The following CSMD1 variants were observed in gnomAD, a reference collection of about 807,000 sequenced individuals.
CSMD1 encodes the protein CUB and sushi domain-containing protein 1.
CSMD1 carries 213 observed loss-of-function variants against 417.5 expected under a neutral mutation model. That is an observed-to-expected ratio of 0.51 (90% CI 0.46 to 0.57). The LOEUF (loss-of-function observed/expected upper bound fraction) is 0.57, where lower values mean the gene tolerates loss of function less well. CSMD1 is among the 20% of genes least tolerant of loss of function. The pLI, the probability that CSMD1 is intolerant of heterozygous loss-of-function variation, is 0.00. For missense variants in CSMD1, 6,923 were observed against 4,529.7 expected (o/e 1.53, Z -15.17); for synonymous variants, 2,862 against 1,736.8 (o/e 1.65, Z -16.11).
Position 4,060,978 on chromosome 8 carries a change from G to A in CSMD1, c.416-28879C>T, listed in dbSNP as rs573460338. ...AGTGTGGAGGAAAGAGATAAGACAA[G>A]CTGCTTGTGAGCAAGCAAAGCAAAA... On this transcript the variant is annotated intron_variant, in intron 3 of 69. Coordinates refer to ENST00000635120, the MANE Select transcript of CSMD1 (RefSeq NM_033225.6). 3.1e-3 allele frequency among the ~76,000 whole-genome samples: 474 copies of A among 152,272 alleles called. 3 individuals carry two copies. Among genetic ancestry groups the A allele is most frequent in the African/African-American group, 0.011 (439 of 41,566 alleles).
chr8:3,082,404 T>G (rs757150018), intron 49 of CSMD1, among the ~76,000 whole-genome samples: 9 of 152,096 alleles, frequency 5.9e-5, no homozygotes, highest in Non-Finnish European at 1.0e-4. Flanking sequence ...CTCCACCATG[T>G]CCCCTTCACA....
At chr8:4,013,216 C>T (rs530804632) in intron 4 of CSMD1, among the ~76,000 whole-genome samples, 23 of 152,182 alleles carry the variant, frequency 1.5e-4, no homozygotes, top group Admixed American at 4.6e-4. Context: ...TGGGATCCTC[C>T]GGGACCTTTC....
intron 5 of CSMD1, among the ~76,000 whole-genome samples, chr8:3,886,249 A>G (rs1350516792): frequency 6.6e-6 from 1 of 152,178 alleles, no homozygotes; most frequent in African/African-American, 2.4e-5. Flanking sequence ...GGGTTTCACC[A>G]TGTTGGCCTG....
intron 1 of CSMD1, among the ~76,000 whole-genome samples, chr8:4,742,328 C>A (rs1443496109): frequency 6.6e-6 from 1 of 151,860 alleles, no homozygotes; most frequent in African/African-American, 2.4e-5. Flanking sequence ...CTGCACCTGA[C>A]CAAGGCTGAA....
chr8:3,760,308 C>T (rs539868929), intron 5 of CSMD1, among the ~76,000 whole-genome samples: 1 of 152,140 alleles, frequency 6.6e-6, no homozygotes, highest in Non-Finnish European at 1.5e-5. Flanking sequence ...CAATTTAAAG[C>T]AATGCCAAAT....
At chr8:3,859,975 C>T (rs139765522) in intron 5 of CSMD1, among the ~76,000 whole-genome samples, 21 of 152,180 alleles carry the variant, frequency 1.4e-4, no homozygotes, top group African/African-American at 5.1e-4. Flanking sequence ...ATTTTCAAGC[C>T]TGAGGGTGGT....
rs147357782 is a variant in CSMD1, at chr8:4,129,530, C to T, written c.416-97431G>A. On this transcript the variant is annotated intron_variant, in intron 3 of 69. Transcript: ENST00000635120. ...GACATTTTGCCAGGGCATAGGAATC[C>T]GATTTTGAGATTGGATTCCATCAGA... Among the ~76,000 whole-genome samples the T allele has an allele frequency of 5.1e-3, 773 of 152,110 alleles. 9 individuals are homozygous for T. The highest frequency in any genetic ancestry group is 0.018 in the African/African-American group (731 of 41,504).
intron 10 of CSMD1, chr8:3,515,341 G>A (rs1797241338): frequency 6.6e-6 from 1 of 152,184 alleles, no homozygotes; most frequent in Non-Finnish European, 1.5e-5. Flanking sequence ...CACTCACACA[G>A]CTACAGATCA....
At chr8:3,027,679 T>A (rs1744171958) in intron 51 of CSMD1, among the ~76,000 whole-genome samples, 1 of 152,052 alleles carries the variant, frequency 6.6e-6, no homozygotes, top group Non-Finnish European at 1.5e-5. Flanking sequence ...CCGAGACACC[T>A]AGACATGTGA....
intron 3 of CSMD1, among the ~76,000 whole-genome samples, chr8:4,226,507 TATA>T (rs1439406421): frequency 6.6e-6 from 1 of 152,232 alleles, no homozygotes; most frequent in East Asian, 1.9e-4. Flanking sequence ...TAACAGAACC[TATA>T]ATGAGTCAAA....
chr8:4,455,488 G>A (rs1301503318), intron 2 of CSMD1, among the ~76,000 whole-genome samples: 3 of 152,110 alleles, frequency 2.0e-5, no homozygotes, highest in South Asian at 2.1e-4. Context: ...TAAGAATAGA[G>A]GAAGCTGGTT....
chr8:3,804,251 G>A (rs1342111569), intron 5 of CSMD1, among the ~76,000 whole-genome samples: 4 of 152,018 alleles, frequency 2.6e-5, no homozygotes, highest in African/African-American at 4.8e-5. Context: ...AATTTTAAAC[G>A]TCAATTCAAA....
intron 2 of CSMD1, among the ~76,000 whole-genome samples, chr8:4,608,057 A>G (rs1405392251): frequency 6.6e-6 from 1 of 152,128 alleles, no homozygotes; most frequent in Non-Finnish European, 1.5e-5. Context: ...TTCCAGGTGA[A>G]GGCCCTGGGA....
chr8:4,922,930 C>T (rs146460538), intron 1 of CSMD1, among the ~76,000 whole-genome samples: 219 of 152,266 alleles, frequency 1.4e-3, no homozygotes, highest in African/African-American at 4.9e-3. Context: ...TATTCCTAGT[C>T]TTGGTGTATA....
chr8:3,087,316 G>C (rs1363359241), intron 48 of CSMD1, 31 bp from the exon 49 acceptor site: 2 of 1,604,362 alleles, frequency 1.2e-6, no homozygotes, highest in African/African-American at 1.3e-5. Flanking sequence ...ACAGAAATAA[G>C]TCAACAAGCA....
intron 40 of CSMD1, among the ~76,000 whole-genome samples, chr8:3,145,147 G>C (rs567476467): frequency 2.0e-5 from 3 of 152,038 alleles, no homozygotes; most frequent in East Asian, 1.9e-4. Flanking sequence ...GAGTTTTATA[G>C]ACATTGCTCA....
chr8:4,949,827 A>G (rs975402438), intron 1 of CSMD1, among the ~76,000 whole-genome samples: 6 of 152,202 alleles, frequency 3.9e-5, no homozygotes, highest in Non-Finnish European at 8.8e-5. Context: ...TATCTGAAGG[A>G]CAGGATATAT....
At chr8:3,321,576 A>G (rs1806158397) in intron 23 of CSMD1, among the ~76,000 whole-genome samples, 1 of 152,206 alleles carries the variant, frequency 6.6e-6, no homozygotes, top group Non-Finnish European at 1.5e-5. Flanking sequence ...ACGCACGGGT[A>G]GCCCAGAGAA....
chr8:4,812,936 T>C (rs1334183287), intron 1 of CSMD1, among the ~76,000 whole-genome samples: 3 of 152,200 alleles, frequency 2.0e-5, no homozygotes, highest in Non-Finnish European at 4.4e-5. Context: ...AAATCATGCA[T>C]TTCTTGACAA....
Sources: gnomAD v4.1 joint callset for allele counts (sites outside exome capture counted in the v4.1 genomes callset) on GRCh38, gnomAD v4.1.1 for gene constraint, MANE v1.5 for transcripts, NCBI Gene and HGNC (gene_info 2026-07-23, HGNC 2026-07-21) for gene names.